Variants in DIP2C observed in about 807,000 individuals in gnomAD.
The protein encoded by DIP2C is DIP2 acetate--CoA ligase C (putative).
A neutral mutation model predicts 192.4 loss-of-function variants in DIP2C; 33 were observed. The observed-to-expected ratio is 0.17, with a 90% CI of 0.13 to 0.23. The LOEUF is 0.23. DIP2C is among the 10% of genes least tolerant of loss of function. DIP2C has a pLI of 1.00. For synonymous variants in DIP2C, 979 were observed against 864.1 expected, an observed-to-expected ratio of 1.13 and a Z score of -2.33; for missense variants, 1,537 against 2,110.1, an observed-to-expected ratio of 0.73 and a Z score of 5.32.
intron 1 of DIP2C, among the ~76,000 whole-genome samples, chr10:657,060 A>G (rs191467458): frequency 5.3e-4 from 79 of 150,276 alleles, no homozygotes; most frequent in African/African-American, 1.9e-3. Flanking sequence ...TGGACCTGAC[A>G]CTGGACATGC....
chr10:509,437 G>A (rs761535766), intron 1 of DIP2C, among the ~76,000 whole-genome samples: 8 of 152,116 alleles, frequency 5.3e-5, no homozygotes, highest in African/African-American at 1.7e-4. Context: ...CTCCCACCCC[G>A]AGGCAGCTCC....
At chr10:579,586 T>C (rs1465772193) in intron 1 of DIP2C, among the ~76,000 whole-genome samples, 4 of 149,352 alleles carry the variant, frequency 2.7e-5, no homozygotes, top group African/African-American at 1.0e-4. Flanking sequence ...CGTACATGCA[T>C]AGAGCATACA....
chr10:603,562 C>T (rs945332066), intron 1 of DIP2C, among the ~76,000 whole-genome samples: 4 of 152,102 alleles, frequency 2.6e-5, no homozygotes, highest in Admixed American at 6.5e-5. Context: ...ACTTTAAAGA[C>T]CCAAATCATA....
Position 592,923 on chromosome 10 carries a change from AT to A in DIP2C, c.85+96570del, listed in dbSNP as rs547849990. On this transcript the variant is annotated intron_variant, in intron 1 of 36. Transcript: ENST00000280886. ...TTTGGAAACTTCTGTGCAAAATGGCATTTTTGGTTTTTAAACACGAGGTCAC... is the reference window on the plus strand; with the variant it reads ...TTTGGAAACTTCTGTGCAAAATGGCATTTTGGTTTTTAAACACGAGGTCAC... Among the ~76,000 whole-genome samples the A allele has an allele frequency of 5.8e-4, 88 of 152,276 alleles. 1 individual carries two copies. The East Asian group carries it at 0.015, about 26-fold the overall frequency.
chr10:461,632 A>C (rs1320075970), intron 3 of DIP2C, among the ~76,000 whole-genome samples: 1 of 152,198 alleles, frequency 6.6e-6, no homozygotes, highest in Non-Finnish European at 1.5e-5. Context: ...ATTGAGACAG[A>C]AAATTAACAA....
chr10:304,555 GCACACA>G (rs56181109), intron 32 of DIP2C, among the ~76,000 whole-genome samples: 67 of 150,680 alleles, frequency 4.4e-4, no homozygotes, highest in South Asian at 1.3e-3. Context: ...GCACACGAAT[GCACACA>G]CACACACACA....
chr10:458,408 T>C lies in DIP2C; in HGVS notation c.268+14031A>G, dbSNP rs184785255. ...AACTTCGGCATAGAGGAGGAACTTA[T>C]ACGGTGACCCCCATGATGGCAGATG... is the stretch of plus-strand genomic sequence containing the variant. On this transcript the variant is annotated intron_variant, in intron 3 of 36. Coordinates refer to ENST00000280886, the MANE Select transcript of DIP2C (RefSeq NM_014974.3). 5.9e-5 allele frequency among the ~76,000 whole-genome samples: 9 copies of C among 152,378 alleles called. No homozygotes were observed. In the East Asian group the frequency reaches 1.5e-3, roughly 26 times the overall value.
intron 1 of DIP2C, among the ~76,000 whole-genome samples, chr10:487,998 T>C (rs1466455326): frequency 6.6e-6 from 1 of 152,206 alleles, no homozygotes; most frequent in Non-Finnish European, 1.5e-5. Flanking sequence ...CAGTTGCTTT[T>C]GGAAATGCCT....
At chr10:631,636 T>C (rs763727854) in intron 1 of DIP2C, among the ~76,000 whole-genome samples, 1 of 152,262 alleles carries the variant, frequency 6.6e-6, no homozygotes, top group African/African-American at 2.4e-5. Flanking sequence ...TAAATATTTT[T>C]ATATAGAGAC....
At chr10:419,420 C>T (rs1268959335) in intron 5 of DIP2C, among the ~76,000 whole-genome samples, 1 of 152,198 alleles carries the variant, frequency 6.6e-6, no homozygotes, top group Non-Finnish European at 1.5e-5. Flanking sequence ...TCGGTAAAAC[C>T]TCAGACGTAA....
intron 1 of DIP2C, among the ~76,000 whole-genome samples, chr10:596,980 G>C (rs950627938): frequency 6.6e-6 from 1 of 152,260 alleles, no homozygotes; most frequent in Non-Finnish European, 1.5e-5. Flanking sequence ...GGGCCCCGGG[G>C]TGCCCAGGTG....
chr10:353,341 G>A (rs1197729322), intron 24 of DIP2C, among the ~76,000 whole-genome samples: 3 of 152,176 alleles, frequency 2.0e-5, no homozygotes, highest in African/African-American at 4.8e-5. Flanking sequence ...TCTAAAGAAG[G>A]TATAAGTTAA....
intron 1 of DIP2C, among the ~76,000 whole-genome samples, chr10:617,220 T>TC (rs1230286369): frequency 1.2e-3 from 110 of 88,774 alleles, no homozygotes; most frequent in African/African-American, 3.7e-3. Context: ...ATACACGACC[T>TC]CCGCCCCCCA....
chr10:520,361 G>A (rs1846619075), intron 1 of DIP2C, among the ~76,000 whole-genome samples: 1 of 152,244 alleles, frequency 6.6e-6, no homozygotes, highest in Admixed American at 6.5e-5. Context: ...GTTACCTGCA[G>A]AAAGTTACTA....
intron 3 of DIP2C, among the ~76,000 whole-genome samples, chr10:449,572 T>G (rs1968659365): frequency 6.8e-6 from 1 of 146,838 alleles, no homozygotes; most frequent in Non-Finnish European, 1.5e-5. Context: ...GGCAGCCTAT[T>G]CTTGTGAAAT....
chr10:345,057 C>T lies in DIP2C; in HGVS notation c.3285G>A (p.Arg1095=). The T allele has an allele frequency of 1.2e-6, 2 of 1,613,778 alleles. No individual in the cohort carries two copies. Among genetic ancestry groups the T allele is most frequent in the Non-Finnish European group, 1.7e-6 (2 of 1,179,968 alleles). The part of the protein sequence containing the change: ...MTTQLICKLL[R]SREAAAAVDV... ...CCACAGCCGCCGCCGCCTCCCTGGA[C>T]CGCAGCAACTTACAGATCAGCTGTG... The change falls in exon 27 of 37, where the codon CGG becomes CGA. Residue 1095 remains arginine (R), a synonymous_variant. Transcript: ENST00000280886.
At chr10:452,303 C>T (rs1341851406) in intron 3 of DIP2C, among the ~76,000 whole-genome samples, 1 of 152,192 alleles carries the variant, frequency 6.6e-6, no homozygotes, top group African/African-American at 2.4e-5. Flanking sequence ...AATGTTAAGG[C>T]AAATAATGAT....
In DIP2C at chr10:414,056, A is replaced by G. The variant is rs1421866096; in HGVS notation, c.914T>C (p.Met305Thr). The G allele has an allele frequency of 9.9e-6, 16 of 1,613,968 alleles. No individual in the cohort carries two copies. The East Asian group carries it at 1.6e-4, about 16-fold the overall frequency. ...PKPEGAQMLA[M>T]RGEQLGVVTN... ...GACCACGCCCAGCTGCTCTCCGCGC[A>G]TGGCCAGCATCTGGGCCCCCTCCGG... The change falls in exon 8 of 37, where the codon ATG becomes ACG. Residue 305 changes from methionine to threonine, a missense_variant. Transcript: ENST00000280886.
At chr10:459,166 A>C (rs1267178914) in intron 3 of DIP2C, among the ~76,000 whole-genome samples, 1 of 152,222 alleles carries the variant, frequency 6.6e-6, no homozygotes, top group Non-Finnish European at 1.5e-5. Context: ...AAGATGTCAC[A>C]GTCACAGAAT....
Sources: allele counts gnomAD v4.1 joint callset (sites outside exome capture counted in the v4.1 genomes callset), GRCh38; gene constraint gnomAD v4.1.1; transcripts MANE v1.5; gene names NCBI Gene and HGNC (gene_info 2026-07-23, HGNC 2026-07-21).